SPNS3: variants seen among roughly 807,000 people sequenced by gnomAD.
The protein encoded by SPNS3 is SPNS lysolipid transporter 3, sphingosine-1-phosphate (putative).
In SPNS3, 51 loss-of-function variants were observed where a neutral mutation model predicts 54.4. That is an observed-to-expected ratio of 0.94 (90% CI 0.75 to 1.18). The LOEUF (loss-of-function observed/expected upper bound fraction) is 1.18. SPNS3 is among the 50% of genes most tolerant of loss of function. SPNS3 has a pLI of 0.00. For missense variants in SPNS3, 669 were observed against 677.4 expected, an observed-to-expected ratio of 0.99 and a Z score of 0.14; for synonymous variants, 309 against 294.7, an observed-to-expected ratio of 1.05 and a Z score of -0.50.
intron 9 of SPNS3, chr17:4,482,549 G>A (rs543257313): frequency 9.2e-5 from 14 of 151,936 alleles, no homozygotes; most frequent in South Asian, 2.1e-4. Flanking sequence ...TGGGGAGCTC[G>A]TTCTGCATAC....
intron 7 of SPNS3, among the ~76,000 whole-genome samples, chr17:4,450,553 A>C (rs375547564): frequency 1.3e-5 from 2 of 151,906 alleles, no homozygotes; most frequent in Admixed American, 1.3e-4. Flanking sequence ...AGCTGGGACC[A>C]CAGGCACACG....
intron 8 of SPNS3, among the ~76,000 whole-genome samples, chr17:4,458,508 C>T (rs1971383406): frequency 3.7e-5 from 2 of 54,038 alleles, no homozygotes; most frequent in African/African-American, 9.0e-5. Flanking sequence ...TTCTTTCTTC[C>T]CTTCCTCCCT....
chr17:4,445,239 G>A (rs774428743), intron 3 of SPNS3, 71 bp downstream of exon 3: 92 of 1,485,720 alleles, frequency 6.2e-5, no homozygotes, highest in Middle Eastern at 1.8e-4. Flanking sequence ...ATTCAGCCCC[G>A]TCAGAGCTGC....
At chr17:4,478,509 G>A in intron 8 of SPNS3, 63 bp from the exon 9 acceptor site, 1 of 1,458,946 alleles carries the variant, frequency 6.9e-7, no homozygotes, top group Non-Finnish European at 9.4e-7. Context: ...CAGGTGGGAA[G>A]CAACAGGTGG....
At chr17:4,438,148 T>A (rs984183299) in intron 1 of SPNS3, among the ~76,000 whole-genome samples, 1 of 152,174 alleles carries the variant, frequency 6.6e-6, no homozygotes, top group African/African-American at 2.4e-5. Context: ...ATGGGGCAGC[T>A]CTTAGAGGTG....
In SPNS3 at chr17:4,487,822, T is replaced by C. The variant is rs149520493; in HGVS notation, c.1467T>C (p.Asn489=). 3.2e-4 allele frequency: 511 copies of C among 1,614,064 alleles called. 2 individuals carry two copies. Among genetic ancestry groups the C allele is most frequent in the South Asian group, 7.4e-4 (67 of 91,084 alleles). The change falls in exon 12 of 12, where the codon AAT becomes AAC. Residue 489 remains asparagine, a synonymous_variant. Transcript: ENST00000355530. ...CTCCTGCAGGGACCCCAGACAGCAA[T>C]GATGTGGACAGCAACGACCTGGAGA... The part of the protein sequence containing the change: ...WQPVTGTPDS[N]DVDSNDLERQ...
intron 9 of SPNS3, among the ~76,000 whole-genome samples, chr17:4,481,248 T>G (rs564598280): frequency 4.8e-4 from 72 of 148,970 alleles, no homozygotes; most frequent in African/African-American, 1.7e-3. Flanking sequence ...TGTTTGAGGG[T>G]GAGCTGGGGG....
At chr17:4,458,643 TTCTTTCC>T (rs1971410569) in intron 8 of SPNS3, among the ~76,000 whole-genome samples, 14 of 144,660 alleles carry the variant, frequency 9.7e-5, no homozygotes, top group Non-Finnish European at 1.4e-4. Flanking sequence ...CTTTCTTTCT[TTCTTTCC>T]TTCCTTCTTT....
Position 4,446,980 on chromosome 17 carries a change from T to C in SPNS3, c.621+18T>C. The C allele has an allele frequency of 6.2e-7, 1 of 1,613,938 alleles. No homozygotes were observed. Among genetic ancestry groups the C allele is most frequent in the Non-Finnish European group, 8.5e-7 (1 of 1,179,828 alleles). On this transcript the variant is annotated intron_variant, in intron 5 of 11. Transcript: ENST00000355530. Reference sequence around the variant, plus strand: ...CCCTCCGAGTGAGTCCAGCTTCCTTTTCTTCCCTCTGCTTTCCCTCTGGAC... The same window carrying C: ...CCCTCCGAGTGAGTCCAGCTTCCTTCTCTTCCCTCTGCTTTCCCTCTGGAC...
At chr17:4,452,685 G>A (rs1971196929) in intron 7 of SPNS3, among the ~76,000 whole-genome samples, 1 of 152,072 alleles carries the variant, frequency 6.6e-6, no homozygotes, top group Non-Finnish European at 1.5e-5. Context: ...GCAGTTTTGG[G>A]GGGTGAAAGG....
intron 1 of SPNS3, 34 bp downstream of exon 1, chr17:4,434,200 G>C: frequency 1.3e-6 from 2 of 1,567,220 alleles, no homozygotes; most frequent in South Asian, 1.2e-5. Context: ...GGCAGTACCT[G>C]CTGCTGTGCC....
chr17:4,487,082 G>A (rs1176801538), intron 11 of SPNS3, among the ~76,000 whole-genome samples: 1 of 145,374 alleles, frequency 6.9e-6, no homozygotes, highest in African/African-American at 2.5e-5. Flanking sequence ...TGAGGCAGGA[G>A]AATCACTTGA....
intron 8 of SPNS3, among the ~76,000 whole-genome samples, chr17:4,472,219 T>C (rs1216094964): frequency 6.6e-6 from 1 of 152,180 alleles, no homozygotes; most frequent in Non-Finnish European, 1.5e-5. Flanking sequence ...TTCCACAATA[T>C]GTATCCATAG....
chr17:4,477,164 G>A (rs980407090), intron 8 of SPNS3, among the ~76,000 whole-genome samples: 8 of 152,218 alleles, frequency 5.3e-5, no homozygotes, highest in African/African-American at 1.2e-4. Flanking sequence ...CCATCACGGC[G>A]TGGGGGGTGG....
chr17:4,464,101 T>G (rs1254115574), intron 8 of SPNS3, among the ~76,000 whole-genome samples: 1 of 152,216 alleles, frequency 6.6e-6, no homozygotes. Context: ...GCTGCTTGTT[T>G]CATGGAAATG....
At chr17:4,480,961 T>C (rs8078742) in intron 9 of SPNS3, among the ~76,000 whole-genome samples, 144 of 152,252 alleles carry the variant, frequency 9.5e-4, no homozygotes, top group African/African-American at 3.2e-3. Context: ...GGTTCCTCCA[T>C]GTTGCTGCTT....
At chr17:4,460,241 T>A (rs1971460063) in intron 8 of SPNS3, among the ~76,000 whole-genome samples, 1 of 151,436 alleles carries the variant, frequency 6.6e-6, no homozygotes, top group South Asian at 2.1e-4. Context: ...TGAGATGGAG[T>A]TTTGTTCTAA....
At chr17:4,450,137 C>T (rs2144048288) in intron 7 of SPNS3, among the ~76,000 whole-genome samples, 1 of 152,042 alleles carries the variant, frequency 6.6e-6, no homozygotes, top group East Asian at 1.9e-4. Context: ...CTGGTGGGTC[C>T]TGGGGGCTCC....
At chr17:4,452,173 T>C (rs1334709882) in intron 7 of SPNS3, among the ~76,000 whole-genome samples, 2 of 152,116 alleles carry the variant, frequency 1.3e-5, no homozygotes, top group East Asian at 3.9e-4. Context: ...CATAGCTCAC[T>C]GTGGCCTCGA....
Sources: gnomAD v4.1 joint callset for allele counts (sites outside exome capture counted in the v4.1 genomes callset) on GRCh38, gnomAD v4.1.1 for gene constraint, MANE v1.5 for transcripts, NCBI Gene and HGNC (gene_info 2026-07-23, HGNC 2026-07-21) for gene names.